The following SPIN1 variants were observed in gnomAD, a reference collection of about 807,000 sequenced individuals.
SPIN1 encodes the protein spindlin-1.
Under a neutral mutation model 26.0 loss-of-function variants are expected in SPIN1, and 3 were observed. The observed-to-expected ratio is 0.12, with a 90% confidence interval of 0.05 to 0.30. The LOEUF (loss-of-function observed/expected upper bound fraction) is 0.30, where lower values mean the gene tolerates loss of function less well. Ranked by LOEUF, SPIN1 falls within the 10% of genes least tolerant of loss-of-function variation. The pLI is 1.00. For missense variants in SPIN1, 126 were observed against 333.4 expected, an observed-to-expected ratio of 0.38 and a Z score of 4.84; for synonymous variants, 101 against 116.5, an observed-to-expected ratio of 0.87 and a Z score of 0.86.
chr9:88,456,461 T>C (rs1056525330), intron 3 of SPIN1, among the ~76,000 whole-genome samples: 5 of 152,052 alleles, frequency 3.3e-5, no homozygotes, highest in African/African-American at 1.2e-4. Flanking sequence ...GGCTGGACAA[T>C]AGAATGGCTT....
rs145550734 is a variant in SPIN1, at chr9:88,396,147, G to T, written c.-159+7609G>T. The stretch of plus-strand genomic sequence containing the variant: ...GCCTGTAATCCCAGCTACTCCTCAT[G>T]AGAGTCACTTGAACTTGGGAGGTGG... On this transcript the variant is annotated intron_variant, in intron 1 of 5. Transcript: ENST00000375859. Among the ~76,000 whole-genome samples, 571 of 151,960 alleles carry T rather than the reference G, an allele frequency of 3.8e-3. 7 individuals are homozygous for T. The highest frequency in any genetic ancestry group is 0.013 in the African/African-American group (537 of 41,460).
intron 5 of SPIN1, among the ~76,000 whole-genome samples, chr9:88,471,022 T>C (rs1210496616): frequency 2.0e-5 from 3 of 152,240 alleles, no homozygotes; most frequent in Non-Finnish European, 2.9e-5. Context: ...TTATCAGATA[T>C]ATGTTGCAAA....
chr9:88,458,233 A>G (rs1828509108), intron 3 of SPIN1, among the ~76,000 whole-genome samples: 1 of 152,252 alleles, frequency 6.6e-6, no homozygotes, highest in Admixed American at 6.5e-5. Context: ...GAGGAAATGA[A>G]AACAGAAGAC....
chr9:88,432,765 G>A (rs1827907715), intron 2 of SPIN1, among the ~76,000 whole-genome samples: 1 of 152,068 alleles, frequency 6.6e-6, no homozygotes, highest in Admixed American at 6.6e-5. Context: ...GGGATTGCAG[G>A]CATGAGCCAC....
chr9:88,442,411 CT>C lies in SPIN1; in HGVS notation c.53-6518del, dbSNP rs112471036. Among the ~76,000 whole-genome samples, 343 of 141,938 alleles carry C rather than the reference CT, an allele frequency of 2.4e-3. 3 individuals carry two copies. The highest frequency in any genetic ancestry group is 5.1e-3 in the African/African-American group (194 of 37,860). 93.1% of individuals were successfully genotyped at this position (141,938 alleles called of 152,430 possible). On this transcript the variant is annotated intron_variant, in intron 2 of 5. Transcript: ENST00000375859. ...TTCAAGATGTTTTTCTTTTTCTTTC[CT>C]TTTTTTTTTTTGAAGACAGTCTTGC...
chr9:88,434,344 GTTTA>G (rs1030228001), intron 2 of SPIN1, among the ~76,000 whole-genome samples: 5 of 119,762 alleles, frequency 4.2e-5, no homozygotes, highest in African/African-American at 1.6e-4. Context: ...TTATAAAATA[GTTTA>G]TTTTATAAAT....
At chr9:88,402,247 C>T (rs186251670) in intron 1 of SPIN1, among the ~76,000 whole-genome samples, 6 of 152,288 alleles carry the variant, frequency 3.9e-5, no homozygotes, top group Admixed American at 3.9e-4. Context: ...CCTGCCTCAG[C>T]CTCCCAAAGT....
chr9:88,402,357 T>C (rs1009203298), intron 1 of SPIN1, among the ~76,000 whole-genome samples: 4 of 152,170 alleles, frequency 2.6e-5, no homozygotes, highest in African/African-American at 2.4e-5. Flanking sequence ...CTTTGAGATA[T>C]ACAGTATATA....
chr9:88,389,789 C>T (rs1331791543), intron 1 of SPIN1, among the ~76,000 whole-genome samples: 1 of 152,166 alleles, frequency 6.6e-6, no homozygotes, highest in Non-Finnish European at 1.5e-5. Context: ...TAATTGCTTT[C>T]TACATCGCTT....
chr9:88,422,146 C>T (rs937490975), intron 1 of SPIN1, among the ~76,000 whole-genome samples: 1 of 152,092 alleles, frequency 6.6e-6, no homozygotes, highest in African/African-American at 2.4e-5. Flanking sequence ...AATTATTGTT[C>T]TCCAGCAACC....
At chr9:88,396,214 G>A (rs1225968256) in intron 1 of SPIN1, among the ~76,000 whole-genome samples, 1 of 151,780 alleles carries the variant, frequency 6.6e-6, no homozygotes, top group African/African-American at 2.4e-5. Flanking sequence ...ACTTCAGCCT[G>A]GGTGACAGAG....
chr9:88,452,660 A>T (rs565170843), intron 3 of SPIN1, among the ~76,000 whole-genome samples: 1 of 152,332 alleles, frequency 6.6e-6, no homozygotes, highest in African/African-American at 2.4e-5. Flanking sequence ...GCTAATGTGG[A>T]TGGAGAACTG....
At chr9:88,409,907 A>G (rs934584894) in intron 1 of SPIN1, among the ~76,000 whole-genome samples, 7 of 151,726 alleles carry the variant, frequency 4.6e-5, no homozygotes, top group African/African-American at 1.5e-4. Context: ...CTCCTTCTTA[A>G]GTTCAGCAAT....
At chr9:88,425,567 A>G (rs1023897203) in intron 1 of SPIN1, among the ~76,000 whole-genome samples, 1 of 151,316 alleles carries the variant, frequency 6.6e-6, no homozygotes, top group South Asian at 2.1e-4. Context: ...AGTTCCAGCT[A>G]CTCCGGAGGC....
At chr9:88,411,211 C>T in intron 1 of SPIN1, 1 of 1,209,836 alleles carries the variant, frequency 8.3e-7, no homozygotes, top group South Asian at 1.2e-5. Context: ...TCTTTGGTTC[C>T]ACAAGTCTTC....
At chr9:88,473,844 G>T (rs12236735) in intron 5 of SPIN1, among the ~76,000 whole-genome samples, 14,373 of 152,166 alleles carry the variant, frequency 0.094, 896 homozygotes, top group South Asian at 0.19. Flanking sequence ...TTTTGTAAAC[G>T]TGCCACAAAA....
At chr9:88,391,501 G>GT (rs974236271) in intron 1 of SPIN1, 1 of 152,896 alleles carries the variant, frequency 6.5e-6, no homozygotes, top group Non-Finnish European at 1.5e-5. Context: ...GTGTCTACTA[G>GT]TTTTTCAAGC....
chr9:88,408,089 C>T (rs1020443282), intron 1 of SPIN1, among the ~76,000 whole-genome samples: 4 of 151,624 alleles, frequency 2.6e-5, no homozygotes, highest in Non-Finnish European at 5.9e-5. Context: ...GTACTGCAGG[C>T]TTTATGTTTT....
chr9:88,460,309 T>C (rs1295166720), intron 3 of SPIN1, among the ~76,000 whole-genome samples: 1 of 152,174 alleles, frequency 6.6e-6, no homozygotes, highest in African/African-American at 2.4e-5. Context: ...TTTCTTCTCA[T>C]GTTCTTCTAG....
Sources: allele counts gnomAD v4.1 joint callset (sites outside exome capture counted in the v4.1 genomes callset), GRCh38; gene constraint gnomAD v4.1.1; transcripts MANE v1.5; gene names NCBI Gene and HGNC (gene_info 2026-07-23, HGNC 2026-07-21).